The following TBC1D22A variants were observed in gnomAD, a reference collection of about 807,000 sequenced individuals.
The protein encoded by TBC1D22A is putative GTPase activator.
A neutral mutation model predicts 60.2 loss-of-function variants in TBC1D22A; 38 were observed. The ratio of observed to expected loss-of-function variants is 0.63; its 90% CI spans 0.49 to 0.83. The LOEUF (loss-of-function observed/expected upper bound fraction) is 0.83. TBC1D22A is among the 40% of genes least tolerant of loss of function. The probability of loss-of-function intolerance (pLI) is 0.00; values close to 1 mark genes in which losing one functional copy is unlikely to be tolerated. For synonymous variants in TBC1D22A, 302 were observed against 281.7 expected (o/e 1.07, Z -0.72); for missense variants, 628 against 701.0 (o/e 0.90, Z 1.18).
Position 46,894,726 on chromosome 22 carries a change from G to A in TBC1D22A, c.838-58G>A, listed in dbSNP as rs373626891. On this transcript the variant is annotated intron_variant, in intron 6 of 12. Transcript: ENST00000337137. ...TCAGTATTGCTGTTTTAATCATATC[G>A]CTCGTAATGATGTTTGTTGTGACGT... The A allele has an allele frequency of 8.5e-5, 135 of 1,596,884 alleles. No individual in the cohort carries two copies. In the African/African-American group the frequency reaches 1.5e-3, roughly 18 times the overall value.
At chr22:46,927,491 T>C (rs1229686107) in intron 8 of TBC1D22A, among the ~76,000 whole-genome samples, 1 of 152,220 alleles carries the variant, frequency 6.6e-6, no homozygotes, top group East Asian at 1.9e-4. Flanking sequence ...GTGACTAACA[T>C]CATGCTTAGT....
intron 4 of TBC1D22A, among the ~76,000 whole-genome samples, chr22:46,842,089 G>T (rs1471415583): frequency 6.6e-6 from 1 of 152,142 alleles, no homozygotes; most frequent in African/African-American, 2.4e-5. Flanking sequence ...AGGATAGATG[G>T]GTTTGTAAGT....
chr22:47,114,153 A>G (rs1360848489), intron 12 of TBC1D22A, among the ~76,000 whole-genome samples: 1 of 152,060 alleles, frequency 6.6e-6, no homozygotes, highest in Non-Finnish European at 1.5e-5. Context: ...TGGGCAGCTG[A>G]TTAAAATGTT....
intron 9 of TBC1D22A, among the ~76,000 whole-genome samples, chr22:46,978,687 GC>G (rs2074399496): frequency 6.6e-6 from 1 of 152,168 alleles, no homozygotes; most frequent in South Asian, 2.1e-4. Context: ...TCAGTTCACT[GC>G]AACCTCCGCC....
intron 9 of TBC1D22A, among the ~76,000 whole-genome samples, chr22:46,986,508 G>A (rs1253394352): frequency 6.6e-6 from 1 of 151,858 alleles, no homozygotes; most frequent in African/African-American, 2.4e-5. Context: ...ACCCGTGAGC[G>A]TAGTGTATTT....
At chr22:46,919,348 G>A (rs183796075) in intron 8 of TBC1D22A, among the ~76,000 whole-genome samples, 144 of 152,270 alleles carry the variant, frequency 9.5e-4, no homozygotes, top group Non-Finnish European at 1.5e-3. Context: ...CCTTCATTCC[G>A]TAGCCAGGTA....
intron 10 of TBC1D22A, among the ~76,000 whole-genome samples, chr22:47,034,142 G>A (rs1026914821): frequency 6.6e-6 from 1 of 152,186 alleles, no homozygotes; most frequent in African/African-American, 2.4e-5. Context: ...AAAAATAAAT[G>A]TCTTTAATAA....
At chr22:47,127,446 A>G (rs9615133) in intron 12 of TBC1D22A, among the ~76,000 whole-genome samples, 52,771 of 146,070 alleles carry the variant, frequency 0.36, 10,021 homozygotes, top group South Asian at 0.53. Flanking sequence ...GCTGGTCTCG[A>G]ACCCCTGACC....
intron 8 of TBC1D22A, among the ~76,000 whole-genome samples, chr22:46,955,661 A>G (rs2073149976): frequency 6.6e-6 from 1 of 152,254 alleles, no homozygotes; most frequent in Admixed American, 6.5e-5. Context: ...CTAACTTCAC[A>G]GGTAATGAAA....
intron 1 of TBC1D22A, among the ~76,000 whole-genome samples, chr22:46,780,024 G>A (rs949471547): frequency 5.3e-5 from 8 of 152,174 alleles, no homozygotes; most frequent in African/African-American, 1.2e-4. Context: ...ATGGTTTTTC[G>A]TACATTTTTC....
At chr22:46,781,772 C>T (rs1264393887) in intron 1 of TBC1D22A, among the ~76,000 whole-genome samples, 1 of 152,194 alleles carries the variant, frequency 6.6e-6, no homozygotes, top group Admixed American at 6.5e-5. Flanking sequence ...GCGGCCTCTC[C>T]TGTCGTGGGT....
intron 4 of TBC1D22A, among the ~76,000 whole-genome samples, chr22:46,827,603 G>A (rs913213534): frequency 3.3e-5 from 5 of 152,232 alleles, no homozygotes; most frequent in African/African-American, 1.2e-4. Context: ...ATCAGCCTAG[G>A]TGATCGGCCT....
intron 12 of TBC1D22A, among the ~76,000 whole-genome samples, chr22:47,172,044 A>G (rs2068493532): frequency 1.1e-5 from 1 of 91,430 alleles, no homozygotes; most frequent in East Asian, 1.5e-3. Context: ...CCTACCCAGC[A>G]CTCCCAGTGA....
At chr22:46,880,430 G>A (rs924801932) in intron 5 of TBC1D22A, among the ~76,000 whole-genome samples, 1 of 152,190 alleles carries the variant, frequency 6.6e-6, no homozygotes, top group Non-Finnish European at 1.5e-5. Context: ...GATCTTGGGG[G>A]CCCAAGCATT....
At chr22:47,093,446 G>C (rs529965184) in intron 11 of TBC1D22A, among the ~76,000 whole-genome samples, 1 of 152,278 alleles carries the variant, frequency 6.6e-6, no homozygotes, top group African/African-American at 2.4e-5. Flanking sequence ...CAGCAGCAAA[G>C]GATGAGAGAG....
intron 11 of TBC1D22A, among the ~76,000 whole-genome samples, chr22:47,090,197 G>A (rs1369567310): frequency 6.6e-6 from 1 of 152,200 alleles, no homozygotes; most frequent in Non-Finnish European, 1.5e-5. Context: ...GAAAGATGAA[G>A]ATTCCGGGGC....
At chr22:46,895,214 G>C (rs891722183) in intron 7 of TBC1D22A, among the ~76,000 whole-genome samples, 1 of 150,370 alleles carries the variant, frequency 6.7e-6, no homozygotes, top group East Asian at 2.0e-4. Flanking sequence ...CCCCACCCCT[G>C]TGCAACCCCC....
chr22:47,128,048 G>A (rs1375918872), intron 12 of TBC1D22A, among the ~76,000 whole-genome samples: 2 of 58,914 alleles, frequency 3.4e-5, no homozygotes, highest in African/African-American at 8.7e-5. Context: ...CCTCTCCTCC[G>A]CCCAACCCAT....
chr22:46,885,472 G>C (rs977200199), intron 5 of TBC1D22A, among the ~76,000 whole-genome samples: 3 of 152,330 alleles, frequency 2.0e-5, no homozygotes, highest in Non-Finnish European at 4.4e-5. Context: ...TGAGGACCCA[G>C]CCCTTCCTTA....
Sources: allele counts gnomAD v4.1 joint callset (sites outside exome capture counted in the v4.1 genomes callset), GRCh38; gene constraint gnomAD v4.1.1; transcripts MANE v1.5; gene names NCBI Gene and HGNC (gene_info 2026-07-23, HGNC 2026-07-21).